ACOT13: variants seen among roughly 807,000 people sequenced by gnomAD.
ACOT13 encodes acyl-CoA thioesterase 13, also known as acyl-coenzyme A thioesterase 13.
ACOT13 carries 10 observed loss-of-function variants against 11.8 expected under a neutral mutation model. That is an observed-to-expected ratio of 0.85 (90% CI 0.53 to 1.44). The LOEUF is 1.44. Ranked by LOEUF, ACOT13 falls within the 40% of genes most tolerant of loss-of-function variation. ACOT13 has a pLI of 0.00. For synonymous variants in ACOT13, 53 were observed against 61.0 expected (o/e 0.87, Z 0.61); for missense variants, 172 against 174.1 (o/e 0.99, Z 0.07).
intron 1 of ACOT13, among the ~76,000 whole-genome samples, chr6:24,682,863 C>G (rs1778575450): frequency 6.6e-6 from 1 of 152,228 alleles, no homozygotes; most frequent in African/African-American, 2.4e-5. Context: ...CTGTTGCCAG[C>G]TTGAACGCCT....
chr6:24,675,856 A>G (rs947350109), intron 1 of ACOT13, among the ~76,000 whole-genome samples: 1 of 152,164 alleles, frequency 6.6e-6, no homozygotes, highest in Non-Finnish European at 1.5e-5. Flanking sequence ...TTATGGTTTT[A>G]AGCCTAACAT....
intron 1 of ACOT13, among the ~76,000 whole-genome samples, chr6:24,671,487 A>G (rs1778364958): frequency 6.6e-6 from 1 of 152,196 alleles, no homozygotes; most frequent in African/African-American, 2.4e-5. Context: ...GGGGAGGGAT[A>G]GCACTAGGAG....
intron 1 of ACOT13, among the ~76,000 whole-genome samples, chr6:24,679,780 G>A (rs1242786029): frequency 6.6e-6 from 1 of 152,162 alleles, no homozygotes; most frequent in African/African-American, 2.4e-5. Flanking sequence ...TGATTTAGCA[G>A]TAACATTATA....
intron 1 of ACOT13, among the ~76,000 whole-genome samples, chr6:24,684,138 C>T (rs561348521): frequency 2.0e-4 from 30 of 152,128 alleles, no homozygotes; most frequent in South Asian, 8.3e-4. Flanking sequence ...GTTGTAACAA[C>T]GTATATAATA....
intron 1 of ACOT13, among the ~76,000 whole-genome samples, chr6:24,679,396 G>A (rs978041979): frequency 4.6e-5 from 7 of 152,152 alleles, no homozygotes; most frequent in Non-Finnish European, 7.3e-5. Flanking sequence ...TATCCTTTAA[G>A]ATTAGTTGGC....
At chr6:24,673,089 C>T (rs1445568931) in intron 1 of ACOT13, among the ~76,000 whole-genome samples, 1 of 152,046 alleles carries the variant, frequency 6.6e-6, no homozygotes, top group African/African-American at 2.4e-5. Flanking sequence ...AGGAAAATAC[C>T]CAGTTGTAAT....
At position 24,686,188 on chromosome 6, in the gene ACOT13, A is replaced by G. The variant is rs983664469; in HGVS notation, c.82-11695A>G. Among the ~76,000 whole-genome samples, 18 of 152,214 alleles carry G rather than the reference A, an allele frequency of 1.2e-4. 1 individual carries two copies. Among genetic ancestry groups the G allele is most frequent in the Non-Finnish European group, 2.4e-4 (16 of 68,032 alleles). Reference sequence around the variant, plus strand: ...GGCCTCTAGGAATTTATAACCTAGGAATGGAAAGTGTATTGCAAGGAAGAG... The same window carrying G: ...GGCCTCTAGGAATTTATAACCTAGGGATGGAAAGTGTATTGCAAGGAAGAG... On this transcript the variant is annotated intron_variant, in intron 1 of 2. Transcript: ENST00000230048.
Position 24,673,272 on chromosome 6 carries a change from T to C in ACOT13, c.81+5928T>C, listed in dbSNP as rs370557450. On this transcript the variant is annotated intron_variant, in intron 1 of 2. Transcript: ENST00000230048. ...CACTTCCTTTAGACCTTTAAGACAG[T>C]GTGCCTTTTTAAAGGGGAGAGAAAG... Among the ~76,000 whole-genome samples the C allele has an allele frequency of 1.1e-4, 17 of 152,142 alleles. No homozygotes were observed. In the South Asian group the frequency reaches 3.3e-3, roughly 30 times the overall value.
At chr6:24,677,211 A>G (rs1778468253) in intron 1 of ACOT13, among the ~76,000 whole-genome samples, 1 of 152,212 alleles carries the variant, frequency 6.6e-6, no homozygotes, top group Non-Finnish European at 1.5e-5. Context: ...GGTTTGAGCA[A>G]TCACATGTTG....
intron 1 of ACOT13, among the ~76,000 whole-genome samples, chr6:24,684,913 G>A (rs1419557747): frequency 1.3e-5 from 2 of 152,118 alleles, no homozygotes; most frequent in Non-Finnish European, 1.5e-5. Context: ...TCTGAAGGCT[G>A]AGGCAAGAGG....
intron 1 of ACOT13, among the ~76,000 whole-genome samples, chr6:24,689,371 C>T (rs1231847706): frequency 1.3e-5 from 2 of 151,510 alleles, no homozygotes; most frequent in Non-Finnish European, 2.9e-5. Context: ...CTGGAGGCTG[C>T]GCATGGTGGC....
chr6:24,680,072 G>A (rs770944752), intron 1 of ACOT13, among the ~76,000 whole-genome samples: 7 of 152,006 alleles, frequency 4.6e-5, no homozygotes, highest in Admixed American at 6.6e-5. Flanking sequence ...AGAAGGAGTC[G>A]GGGGGATGCT....
intron 1 of ACOT13, among the ~76,000 whole-genome samples, chr6:24,676,301 A>T (rs1778453827): frequency 6.6e-6 from 1 of 151,958 alleles, no homozygotes; most frequent in Non-Finnish European, 1.5e-5. Flanking sequence ...CATTGAATCT[A>T]TAAATTACCT....
intron 1 of ACOT13, among the ~76,000 whole-genome samples, chr6:24,677,212 T>A (rs1778468322): frequency 6.6e-6 from 1 of 152,208 alleles, no homozygotes; most frequent in Non-Finnish European, 1.5e-5. Flanking sequence ...GTTTGAGCAA[T>A]CACATGTTGG....
intron 1 of ACOT13, 75 bp from the exon 2 acceptor site, chr6:24,697,808 A>G: frequency 7.9e-7 from 1 of 1,259,470 alleles, no homozygotes; most frequent in East Asian, 2.5e-5. Flanking sequence ...AGTTCAATCC[A>G]TTGTTCTTCA....
At position 24,705,010 on chromosome 6, in the gene ACOT13, ATTCAGAT is replaced by A. The variant is rs1778976933; in HGVS notation, c.*3398_*3404del. The A allele has an allele frequency of 6.6e-6, 1 of 151,788 alleles. No homozygotes were observed. The highest frequency in any genetic ancestry group is 6.6e-5 in the Admixed American group (1 of 15,206). 9.4% of individuals were successfully genotyped at this position (151,788 alleles called of 1,614,324 possible). A position where few individuals can be genotyped will look rare whatever the true frequency, so the allele number is the denominator to read the frequency against. Reference sequence around the variant, plus strand: ...AGTTTTACTCCAAAGGAGTAGGATCATTCAGATTTACTCCAATAAAAGTATGCAACCC... The same window carrying A: ...AGTTTTACTCCAAAGGAGTAGGATCATTACTCCAATAAAAGTATGCAACCC... On this transcript the variant is annotated 3_prime_UTR_variant, in exon 3 of 3. Coordinates refer to ENST00000230048, the MANE Select transcript of ACOT13 (RefSeq NM_018473.4).
intron 1 of ACOT13, among the ~76,000 whole-genome samples, chr6:24,696,342 T>G (rs1050313422): frequency 6.6e-6 from 1 of 152,186 alleles, no homozygotes; most frequent in Non-Finnish European, 1.5e-5. Context: ...AAGACCTACA[T>G]CTACATCTCA....
chr6:24,670,075 C>T (rs891205283), intron 1 of ACOT13, among the ~76,000 whole-genome samples: 4 of 152,164 alleles, frequency 2.6e-5, no homozygotes, highest in African/African-American at 7.2e-5. Context: ...AGACTAGTAT[C>T]TAACAACAAG....
intron 1 of ACOT13, among the ~76,000 whole-genome samples, chr6:24,692,995 CTG>C: frequency 6.6e-6 from 1 of 152,330 alleles, no homozygotes; most frequent in East Asian, 1.9e-4. Flanking sequence ...TAAATGTCAT[CTG>C]TGTTTGTTGC....
Sources: gnomAD v4.1 joint callset for allele counts (sites outside exome capture counted in the v4.1 genomes callset) on GRCh38, gnomAD v4.1.1 for gene constraint, MANE v1.5 for transcripts, NCBI Gene and HGNC (gene_info 2026-07-23, HGNC 2026-07-21) for gene names.